Variants in PAM observed in about 807,000 individuals in gnomAD.
PAM encodes peptidyl-glycine alpha-amidating monooxygenase.
PAM carries 72 observed loss-of-function variants against 122.1 expected under a neutral mutation model. The ratio of observed to expected loss-of-function variants is 0.59; its 90% CI spans 0.49 to 0.72. The LOEUF (loss-of-function observed/expected upper bound fraction) is 0.72. PAM is among the 30% of genes least tolerant of loss of function. The pLI, the probability that PAM is intolerant of heterozygous loss-of-function variation, is 0.00. For synonymous variants in PAM, 389 were observed against 404.4 expected (o/e 0.96, Z 0.46); for missense variants, 1,106 against 1,183.7 (o/e 0.93, Z 0.96).
chr5:102,782,661 T>C (rs1206311868), intron 1 of PAM, among the ~76,000 whole-genome samples: 1 of 151,808 alleles, frequency 6.6e-6, no homozygotes, highest in African/African-American at 2.4e-5. Context: ...AAAGTCAGAA[T>C]CAGTTAAGTA....
chr5:102,908,365 G>C (rs1205953062), intron 4 of PAM, among the ~76,000 whole-genome samples: 1 of 151,928 alleles, frequency 6.6e-6, no homozygotes, highest in Non-Finnish European at 1.5e-5. Flanking sequence ...ATGCTGTTTT[G>C]GTTGCTGTAG....
At chr5:102,814,831 C>T (rs1769205948) in intron 1 of PAM, among the ~76,000 whole-genome samples, 2 of 151,844 alleles carry the variant, frequency 1.3e-5, no homozygotes, top group South Asian at 4.1e-4. Context: ...CTGCCCTATG[C>T]TTTCCCAACC....
intron 12 of PAM, among the ~76,000 whole-genome samples, chr5:102,958,323 T>G (rs1195793814): frequency 2.0e-5 from 3 of 152,250 alleles, no homozygotes; most frequent in Non-Finnish European, 4.4e-5. Flanking sequence ...ATTAAAGGTT[T>G]TTAAAGCTAG....
intron 1 of PAM, among the ~76,000 whole-genome samples, chr5:102,822,528 C>A (rs1379210668): frequency 6.6e-6 from 1 of 152,100 alleles, no homozygotes; most frequent in African/African-American, 2.4e-5. Context: ...GTGCCCTAGA[C>A]ACAGACAGTG....
chr5:102,961,891 C>A (rs1762610812), intron 14 of PAM, among the ~76,000 whole-genome samples: 1 of 151,842 alleles, frequency 6.6e-6, no homozygotes, highest in African/African-American at 2.4e-5. Context: ...GAAGGTAGTG[C>A]TTTGGGTTAG....
At chr5:103,016,579 C>T (rs913141958) in intron 21 of PAM, among the ~76,000 whole-genome samples, 1 of 152,126 alleles carries the variant, frequency 6.6e-6, no homozygotes, top group Non-Finnish European at 1.5e-5. Context: ...AAAAGAAAGT[C>T]ACAAAAGGAT....
At chr5:102,828,852 A>G (rs1408702282) in intron 1 of PAM, among the ~76,000 whole-genome samples, 1 of 151,900 alleles carries the variant, frequency 6.6e-6, no homozygotes, top group East Asian at 1.9e-4. Context: ...TACAGCTCTC[A>G]GCCTAGGCTG....
chr5:103,026,133 T>C (rs527315140), intron 24 of PAM, among the ~76,000 whole-genome samples: 2 of 152,280 alleles, frequency 1.3e-5, no homozygotes, highest in East Asian at 3.9e-4. Flanking sequence ...TATCACAATA[T>C]AGGATCCAAG....
chr5:102,888,610 C>T (rs948403236), intron 3 of PAM, among the ~76,000 whole-genome samples: 2 of 151,842 alleles, frequency 1.3e-5, no homozygotes, highest in African/African-American at 2.4e-5. Flanking sequence ...ACCAGACTGT[C>T]CCTGCCTCCA....
chr5:102,947,485 A>C (rs1481679507), intron 8 of PAM, among the ~76,000 whole-genome samples: 1 of 152,154 alleles, frequency 6.6e-6, no homozygotes, highest in African/African-American at 2.4e-5. Flanking sequence ...GAGAATGCAA[A>C]GGCATAAGAA....
intron 15 of PAM, among the ~76,000 whole-genome samples, chr5:102,977,658 G>GCACACACACACACACACACA (rs10527378): frequency 1.4e-5 from 2 of 142,932 alleles, no homozygotes; most frequent in Admixed American, 7.1e-5. Context: ...ATGCATGTGC[G>GCACACACACACACACACACA]CACACACACA....
At chr5:102,970,847 C>T (rs973936441) in intron 14 of PAM, among the ~76,000 whole-genome samples, 1 of 151,876 alleles carries the variant, frequency 6.6e-6, no homozygotes, top group African/African-American at 2.4e-5. Context: ...CACTCTGTCT[C>T]CCGGGCTGGA....
chr5:102,820,969 T>C (rs1004288079), intron 1 of PAM, among the ~76,000 whole-genome samples: 1 of 152,214 alleles, frequency 6.6e-6, no homozygotes, highest in Admixed American at 6.5e-5. Flanking sequence ...GAGGATTAGA[T>C]TGGTAAAGCT....
intron 25 of PAM, among the ~76,000 whole-genome samples, 186 bp downstream of exon 25, chr5:103,028,424 C>A (rs549135488): frequency 6.6e-6 from 1 of 152,326 alleles, no homozygotes; most frequent in African/African-American, 2.4e-5. Context: ...ATGGGTCTGG[C>A]AGCAGATTTC....
At chr5:102,967,816 A>G (rs1305201734) in intron 14 of PAM, among the ~76,000 whole-genome samples, 1 of 146,812 alleles carries the variant, frequency 6.8e-6, no homozygotes, top group Non-Finnish European at 1.5e-5. Context: ...TCCACCTCCC[A>G]GATTCAAGCA....
chr5:102,940,821 T>C (rs1451414044), intron 7 of PAM, among the ~76,000 whole-genome samples: 3 of 151,968 alleles, frequency 2.0e-5, no homozygotes, highest in Admixed American at 1.3e-4. Flanking sequence ...GAGTGGAGGA[T>C]TTTTGGGTGC....
intron 1 of PAM, among the ~76,000 whole-genome samples, chr5:102,841,769 C>A (rs116283818): frequency 6.6e-6 from 1 of 151,946 alleles, no homozygotes; most frequent in South Asian, 2.1e-4. Context: ...GAAATAGAAG[C>A]TGGAGATAAT....
intron 3 of PAM, among the ~76,000 whole-genome samples, chr5:102,888,949 A>G (rs1198682797): frequency 1.3e-5 from 2 of 151,990 alleles, no homozygotes; most frequent in Non-Finnish European, 2.9e-5. Flanking sequence ...TAAATGTAAA[A>G]GGGGGACAGA....
intron 1 of PAM, among the ~76,000 whole-genome samples, chr5:102,782,725 C>CTGTG (rs35149404): frequency 0.011 from 1,484 of 140,154 alleles, 21 homozygotes; most frequent in South Asian, 0.029. Flanking sequence ...CTCTCTCTCT[C>CTGTG]TGTGTGTGTG....
Sources: gnomAD v4.1 joint callset for allele counts (sites outside exome capture counted in the v4.1 genomes callset) on GRCh38, gnomAD v4.1.1 for gene constraint, MANE v1.5 for transcripts, NCBI Gene and HGNC (gene_info 2026-07-23, HGNC 2026-07-21) for gene names.